The following CASP4 variants were observed in gnomAD, a reference collection of about 807,000 sequenced individuals.
CASP4 encodes the protein caspase-4.
A neutral mutation model predicts 41.3 loss-of-function variants in CASP4; 29 were observed. That is an observed-to-expected ratio of 0.70 (90% CI 0.52 to 0.96). CASP4 has a LOEUF of 0.96. Ranked by LOEUF, CASP4 falls within the 40% of genes least tolerant of loss-of-function variation. The pLI, the probability that CASP4 is intolerant of heterozygous loss-of-function variation, is 0.00. For synonymous variants in CASP4, 185 were observed against 158.4 expected (o/e 1.17, Z -1.26); for missense variants, 447 against 460.6 (o/e 0.97, Z 0.27).
At chr11:104,946,476 C>T (rs965151455) in intron 7 of CASP4, 2 of 152,070 alleles carry the variant, frequency 1.3e-5, no homozygotes, top group East Asian at 1.9e-4. Context: ...GGTAGATGTA[C>T]GAGCTATGGA....
intron 6 of CASP4, chr11:104,947,525 A>T (rs1349237376): frequency 6.2e-6 from 1 of 162,408 alleles, no homozygotes; most frequent in East Asian, 1.7e-4. Context: ...GAATTATCCC[A>T]CTTTACAGAG....
At position 104,951,752 on chromosome 11, in the gene CASP4, TA is replaced by T. The variant is rs367946023; in HGVS notation, c.372+143del. On this transcript the variant is annotated intron_variant, in intron 3 of 8. Transcript: ENST00000444739. The stretch of plus-strand genomic sequence containing the variant: ...GGATTGGTATCATTGTGAAGTCACA[TA>T]ATCTTTCCCTTAGTAAAAGCATTAT... 86 of 693,092 alleles carry T rather than the reference TA, an allele frequency of 1.2e-4. 1 individual carries two copies. The African/African-American group carries it at 1.3e-3, about 10-fold the overall frequency. 42.9% of individuals were successfully genotyped at this position (693,092 alleles called of 1,614,324 possible). A position where few individuals can be genotyped will look rare whatever the true frequency, so the allele number is the denominator to read the frequency against.
intron 1 of CASP4, among the ~76,000 whole-genome samples, chr11:104,958,889 A>G (rs1860796557): frequency 7.2e-6 from 1 of 137,936 alleles, no homozygotes; most frequent in Non-Finnish European, 1.5e-5. Flanking sequence ...GGAACCCTAG[A>G]GGCGGAGGTT....
At chr11:104,962,200 C>A (rs1168652605) in intron 1 of CASP4, among the ~76,000 whole-genome samples, 1 of 151,982 alleles carries the variant, frequency 6.6e-6, no homozygotes, top group Non-Finnish European at 1.5e-5. Flanking sequence ...TTGAACCCCA[C>A]AACTATGGTG....
At chr11:104,945,311 G>T (rs1860429875) in intron 7 of CASP4, among the ~76,000 whole-genome samples, 1 of 150,706 alleles carries the variant, frequency 6.6e-6, no homozygotes, top group Non-Finnish European at 1.5e-5. Flanking sequence ...GGAGTGCAAT[G>T]GTGCAACCTC....
chr11:104,951,910 C>G lies in CASP4; in HGVS notation c.358G>C (p.Glu120Gln), dbSNP rs1014551716. 3 of 1,608,736 alleles carry G rather than the reference C, an allele frequency of 1.9e-6. No homozygotes were observed. Among genetic ancestry groups the G allele is most frequent in the South Asian group, 2.2e-5 (2 of 90,958 alleles). ...PHEEFLRLCK[E>Q]RAEEIYPIKE... Reference sequence around the variant, plus strand: ...TAGCATAGCACCTCTTCAGCTCTTTCTTTACATAGTCTCAGGAATTCTTCA... The same window carrying G: ...TAGCATAGCACCTCTTCAGCTCTTTGTTTACATAGTCTCAGGAATTCTTCA... Residue 120 changes from glutamate (E) to glutamine (Q), a missense_variant, in exon 3 of 9, where the codon GAA (glutamate) becomes CAA (glutamine). By Grantham distance (29) the Glu-to-Gln change is conservative (BLOSUM62 2). Transcript: ENST00000444739.
Position 104,948,687 on chromosome 11 carries a change from A to G in CASP4, c.782-11T>C, listed in dbSNP as rs538686291. ...GTTCCCCACGGTTTGCTATGGAGAC[A>G]TTAACTTTCTGCACACTGCTGTGCC... On this transcript the variant is annotated splice_polypyrimidine_tract_variant and intron_variant, in intron 5 of 8. Coordinates refer to ENST00000444739, the MANE Select transcript of CASP4 (RefSeq NM_001225.4). The G allele has an allele frequency of 1.1e-5, 18 of 1,578,930 alleles. No homozygotes were observed. The Admixed American group carries it at 1.4e-4, about 12-fold the overall frequency.
chr11:104,949,410 A>T, intron 5 of CASP4, 133 bp downstream of exon 5: 1 of 921,418 alleles, frequency 1.1e-6, no homozygotes. Flanking sequence ...CCTTAGGTAG[A>T]GTTTCTTTAG....
chr11:104,950,704 G>A (rs571978783), intron 4 of CASP4, among the ~76,000 whole-genome samples: 6 of 151,976 alleles, frequency 3.9e-5, no homozygotes, highest in African/African-American at 7.2e-5. Context: ...GTGAAAACAC[G>A]TGTCAATCAT....
chr11:104,955,943 T>C (rs184101433), intron 1 of CASP4, among the ~76,000 whole-genome samples: 1 of 152,182 alleles, frequency 6.6e-6, no homozygotes, highest in Admixed American at 6.5e-5. Context: ...CACAAAAGCT[T>C]TGGCACAGAA....
rs375437411 is a variant in CASP4 at position 104,945,956 on chromosome 11, C to T, written c.1036-1105G>A. On this transcript the variant is annotated intron_variant, in intron 7 of 8. Transcript: ENST00000444739. ...CCGCTTCCTGAGCTCAAGCGATTCTCCCATCTCAGCTCTCAGGTAGCTCGG... is the reference window on the plus strand; with the variant it reads ...CCGCTTCCTGAGCTCAAGCGATTCTTCCATCTCAGCTCTCAGGTAGCTCGG... Among the ~76,000 whole-genome samples the T allele has an allele frequency of 2.0e-3, 307 of 152,240 alleles. 3 individuals carry two copies. The highest frequency in any genetic ancestry group is 0.014 in the Middle Eastern group (4 of 294).
At chr11:104,957,388 T>C (rs1860760275) in intron 1 of CASP4, among the ~76,000 whole-genome samples, 1 of 152,150 alleles carries the variant, frequency 6.6e-6, no homozygotes, top group African/African-American at 2.4e-5. Context: ...CCGATCAACA[T>C]GGTGAGACTA....
In CASP4 at chr11:104,950,919, T is replaced by A. The variant is rs758155562; in HGVS notation, c.546+6A>T. On this transcript the variant is annotated splice_donor_region_variant and intron_variant, in intron 4 of 8. Coordinates refer to ENST00000444739, the MANE Select transcript of CASP4 (RefSeq NM_001225.4). ...TATGTGTTTGTGGCGGCTGAGGGAT[T>A]CTTACCCTGGCTGTCAGATTCTCTT... The A allele has an allele frequency of 1.1e-5, 18 of 1,609,820 alleles. No homozygotes were observed. The highest frequency in any genetic ancestry group is 1.5e-5 in the Non-Finnish European group (18 of 1,177,830).
chr11:104,963,187 C>A (rs958782353), intron 1 of CASP4, among the ~76,000 whole-genome samples: 3 of 152,192 alleles, frequency 2.0e-5, no homozygotes, highest in African/African-American at 7.2e-5. Flanking sequence ...TTATGTTTTT[C>A]TCTTCTTGGA....
intron 8 of CASP4, chr11:104,944,458 A>G (rs556467023): frequency 3.1e-6 from 1 of 322,482 alleles, no homozygotes; most frequent in East Asian, 6.7e-5. Context: ...TAATGGAAGC[A>G]TGAGCATGTT....
chr11:104,962,056 T>G (rs1860872831), intron 1 of CASP4, among the ~76,000 whole-genome samples: 1 of 152,192 alleles, frequency 6.6e-6, no homozygotes, highest in Non-Finnish European at 1.5e-5. Context: ...GTCTGTTTTG[T>G]TATGTGAATT....
At chr11:104,955,565 ATAAAT>A (rs56231211) in intron 1 of CASP4, among the ~76,000 whole-genome samples, 63,602 of 151,472 alleles carry the variant, frequency 0.42, 14,071 homozygotes, top group East Asian at 0.78. Flanking sequence ...TGCTAAATAC[ATAAAT>A]TAAAGAATAA....
chr11:104,958,134 A>C (rs1179990699), intron 1 of CASP4, among the ~76,000 whole-genome samples: 6 of 152,218 alleles, frequency 3.9e-5, no homozygotes, highest in African/African-American at 1.4e-4. Context: ...AAATAAACTC[A>C]AAATGAGTTA....
chr11:104,948,710 G>C lies in CASP4; in HGVS notation c.782-34C>G. On this transcript the variant is annotated intron_variant, in intron 5 of 8. Transcript: ENST00000444739. ...ACATTAACTTTCTGCACACTGCTGT[G>C]CCTCCCACAGAATGGCTGTCACAGT... 4 of 1,534,772 alleles carry C rather than the reference G, an allele frequency of 2.6e-6. 1 individual carries two copies. The South Asian group carries it at 5.1e-5, about 20-fold the overall frequency.
Sources: gnomAD v4.1 joint callset for allele counts (sites outside exome capture counted in the v4.1 genomes callset) on GRCh38, gnomAD v4.1.1 for gene constraint, MANE v1.5 for transcripts, NCBI Gene and HGNC (gene_info 2026-07-23, HGNC 2026-07-21) for gene names.